Variants in ZMYM6 observed in about 807,000 individuals in gnomAD.
The protein encoded by ZMYM6 is zinc finger MYM-type protein 6.
ZMYM6 carries 90 observed loss-of-function variants against 134.0 expected under a neutral mutation model. That is an observed-to-expected ratio of 0.67 (90% CI 0.57 to 0.80). The LOEUF is 0.80. ZMYM6 is among the 30% of genes least tolerant of loss of function. The pLI is 0.00. For missense variants in ZMYM6, 1,362 were observed against 1,533.9 expected, an observed-to-expected ratio of 0.89 and a Z score of 1.87; for synonymous variants, 481 against 524.1, an observed-to-expected ratio of 0.92 and a Z score of 1.12.
chr1:34,990,871 T>C lies in ZMYM6; in HGVS notation c.2146+1363A>G, dbSNP rs559142038. On this transcript the variant is annotated intron_variant, in intron 15 of 15. Coordinates refer to ENST00000357182, the MANE Select transcript of ZMYM6 (RefSeq NM_007167.4). ...ATTGTTAGAAAACATTCGAGATTTA[T>C]TCTTTTAAAAGAGACGGAGTTTCAC... Among the ~76,000 whole-genome samples, 75 of 152,330 alleles carry C rather than the reference T, an allele frequency of 4.9e-4. 1 individual carries two copies. In the South Asian group the frequency reaches 0.015, roughly 29 times the overall value.
chr1:35,011,160 C>G, intron 8 of ZMYM6, 124 bp from the exon 9 acceptor site: 1 of 1,024,244 alleles, frequency 9.8e-7, no homozygotes, highest in Non-Finnish European at 1.4e-6. Flanking sequence ...TTCTATCTCA[C>G]AGAAAGAGTT....
At chr1:35,013,596 T>C in intron 6 of ZMYM6, 1 of 985,452 alleles carries the variant, frequency 1.0e-6, no homozygotes. Flanking sequence ...TGTCCATATG[T>C]CCATTACCAA....
At chr1:35,002,728 G>T (rs546267314) in intron 14 of ZMYM6, among the ~76,000 whole-genome samples, 2 of 152,258 alleles carry the variant, frequency 1.3e-5, no homozygotes, top group South Asian at 2.1e-4. Flanking sequence ...CATCTTCATA[G>T]ATTTTTTATC....
intron 6 of ZMYM6, among the ~76,000 whole-genome samples, chr1:35,014,402 A>T (rs1641144874): frequency 6.6e-6 from 1 of 152,206 alleles, no homozygotes; most frequent in African/African-American, 2.4e-5. Context: ...CAGGAGTTCA[A>T]CACCGGCCTG....
chr1:35,015,011 T>G lies in ZMYM6; in HGVS notation c.580A>C (p.Ser194Arg). 6.2e-7 allele frequency: 1 copy of G among 1,612,992 alleles called. No homozygotes were observed. Among genetic ancestry groups the G allele is most frequent in the Non-Finnish European group, 8.5e-7 (1 of 1,179,786 alleles). The change falls in exon 5 of 16, where the codon AGT (serine) becomes CGT (arginine). Residue 194 changes from serine to arginine, a missense_variant. Ser to Arg is a moderately radical substitution (Grantham distance 110). Transcript: ENST00000357182. ...ACATCAGCATTCTTCTGACACATAC[T>G]GCACTTAGTTGAAATGCTTTTGGTA... ...IYTKSISTKCSMCQKNADTRF... is the reference protein window; with the variant it reads ...IYTKSISTKCRMCQKNADTRF...
At chr1:35,005,629 C>CAAAAAAAAAAAAAAAAAAAAA (rs1182722333) in intron 12 of ZMYM6, among the ~76,000 whole-genome samples, 1 of 59,296 alleles carries the variant, frequency 1.7e-5, no homozygotes, top group Non-Finnish European at 4.1e-5. Flanking sequence ...AACCTAGTCT[C>CAAAAAAAAAAAAAAAAAAAAA]AAAAAAAAAA....
chr1:35,009,151 T>C (rs1433105842), intron 10 of ZMYM6, among the ~76,000 whole-genome samples: 1 of 152,188 alleles, frequency 6.6e-6, no homozygotes, highest in Non-Finnish European at 1.5e-5. Flanking sequence ...CAGGCTGGAG[T>C]GCAGTGGCAC....
At chr1:34,998,762 T>A (rs1640830973) in intron 14 of ZMYM6, among the ~76,000 whole-genome samples, 1 of 152,112 alleles carries the variant, frequency 6.6e-6, no homozygotes, top group South Asian at 2.1e-4. Context: ...AGCTCAAAGG[T>A]CAGGGTAAGA....
At chr1:35,013,868 T>C (rs1297217120) in intron 6 of ZMYM6, 1 of 168,430 alleles carries the variant, frequency 5.9e-6, no homozygotes, top group Admixed American at 6.5e-5. Flanking sequence ...ATTTTTGTAT[T>C]TTCAGTACAG....
rs1640598518 is a variant in ZMYM6, at chr1:34,987,649, C to G, written c.3433G>C (p.Asp1145His). 2 of 1,567,558 alleles carry G rather than the reference C, an allele frequency of 1.3e-6. No individual in the cohort carries two copies. Among genetic ancestry groups the G allele is most frequent in the South Asian group, 1.2e-5 (1 of 85,978 alleles). ...ATTTTTAACTTTCTCTTAAATACATCAATTTTATTACACAAATTGAAGAAA... is the reference window on the plus strand; with the variant it reads ...ATTTTTAACTTTCTCTTAAATACATGAATTTTATTACACAAATTGAAGAAA... Reference protein sequence around the residue: ...TTFFNLCNKIDVFKRKLKMWL... With the variant: ...TTFFNLCNKIHVFKRKLKMWL... The change falls in exon 16 of 16, where the codon GAT (aspartate) becomes CAT (histidine). Residue 1145 changes from aspartate (D) to histidine (H), a missense_variant. By Grantham distance (81) the Asp-to-His change is moderately conservative (BLOSUM62 -1). This residue lies in a region of ZMYM6 where 824 missense variants were observed against 940.9 expected (regional missense o/e 0.88). Transcript: ENST00000357182.
chr1:35,029,951 T>A (rs948982334), intron 2 of ZMYM6, among the ~76,000 whole-genome samples: 4 of 152,218 alleles, frequency 2.6e-5, no homozygotes, highest in Non-Finnish European at 4.4e-5. Context: ...GGGAAGGGAC[T>A]AAGCTGACTT....
At chr1:35,009,333 A>C (rs1247713240) in intron 10 of ZMYM6, among the ~76,000 whole-genome samples, 1 of 152,146 alleles carries the variant, frequency 6.6e-6, no homozygotes, top group Admixed American at 6.5e-5. Context: ...CAAACTCCTG[A>C]CCTCAGGTGA....
At chr1:34,995,064 G>GTAATATATATACTTACATACGTATATA (rs1640755949) in intron 14 of ZMYM6, among the ~76,000 whole-genome samples, 1 of 102,182 alleles carries the variant, frequency 9.8e-6, no homozygotes, top group Non-Finnish European at 1.6e-5. Context: ...GTATATATAT[G>GTAATATATATACTTACATACGTATATA]TAATATATAT....
At chr1:35,024,874 A>AT (rs888090553) in intron 2 of ZMYM6, among the ~76,000 whole-genome samples, 249 of 143,774 alleles carry the variant, frequency 1.7e-3, no homozygotes, top group Middle Eastern at 3.6e-3. Flanking sequence ...GTGATTTTGT[A>AT]TTTTTTTTTT....
At chr1:34,994,764 G>A (rs867608942) in intron 14 of ZMYM6, among the ~76,000 whole-genome samples, 2 of 151,556 alleles carry the variant, frequency 1.3e-5, no homozygotes, top group South Asian at 2.1e-4. Flanking sequence ...AATGACTGCC[G>A]TCCACCCAGA....
At chr1:35,013,120 A>G (rs1342952360) in intron 6 of ZMYM6, 1 of 870,956 alleles carries the variant, frequency 1.1e-6, no homozygotes. Flanking sequence ...AATAGCTACC[A>G]TTTACATAAC....
intron 11 of ZMYM6, among the ~76,000 whole-genome samples, chr1:35,007,377 T>C (rs907675810): frequency 7.2e-5 from 11 of 151,976 alleles, no homozygotes; most frequent in African/African-American, 2.2e-4. Context: ...GATCATGAGG[T>C]CAGGAGTTCA....
chr1:35,000,698 A>G (rs558289038), intron 14 of ZMYM6, among the ~76,000 whole-genome samples: 62 of 152,286 alleles, frequency 4.1e-4, no homozygotes, highest in South Asian at 1.7e-3. Context: ...TTTTAAAACA[A>G]TATTAAATAT....
intron 14 of ZMYM6, among the ~76,000 whole-genome samples, chr1:35,001,432 C>T (rs6673216): frequency 0.074 from 11,267 of 152,006 alleles, 557 homozygotes; most frequent in South Asian, 0.13. Context: ...AGGGCAGCTA[C>T]ATGAAATATG....
Sources: gnomAD v4.1 joint callset for allele counts (sites outside exome capture counted in the v4.1 genomes callset) on GRCh38, gnomAD v4.1.1 for gene constraint, gnomAD v4.1.1 regional missense constraint, MANE v1.5 for transcripts, NCBI Gene and HGNC (gene_info 2026-07-23, HGNC 2026-07-21) for gene names.